The following STOX2 variants were observed in gnomAD, a reference collection of about 807,000 sequenced individuals.
The protein encoded by STOX2 is storkhead-box protein 2.
A neutral mutation model predicts 60.9 loss-of-function variants in STOX2; 28 were observed. The observed-to-expected ratio is 0.46, with a 90% confidence interval of 0.34 to 0.63. The LOEUF is 0.63. STOX2 is among the 30% of genes least tolerant of loss of function. The pLI is 0.01. For synonymous variants in STOX2, 472 were observed against 463.9 expected (o/e 1.02, Z -0.22); for missense variants, 1,024 against 1,187.7 (o/e 0.86, Z 2.03).
At chr4:183,844,163 A>G (rs1173432996) in intron 1 of STOX2, among the ~76,000 whole-genome samples, 1 of 152,196 alleles carries the variant, frequency 6.6e-6, no homozygotes. Context: ...GGGACACCCC[A>G]TTGCAAGTAG....
In STOX2 at chr4:184,023,497, T is replaced by A. The variant is rs1734668570; in HGVS notation, c.*6213T>A. 6.6e-6 allele frequency: 1 copy of A among 152,200 alleles called. No homozygotes were observed. The highest frequency in any genetic ancestry group is 2.4e-5 in the African/African-American group (1 of 41,452). The allele number at this position is 152,200 out of a possible 1,614,324, so 9.4% of individuals were successfully genotyped here. A position where few individuals can be genotyped will look rare whatever the true frequency, so the allele number is the denominator to read the frequency against. On this transcript the variant is annotated 3_prime_UTR_variant, in exon 4 of 4. Coordinates refer to ENST00000308497, the MANE Select transcript of STOX2 (RefSeq NM_020225.3). ...AATATCCATTTTGGATTGTGTTACTTTTTAAGATATTAAATAACATTTGGT... is the reference window on the plus strand; with the variant it reads ...AATATCCATTTTGGATTGTGTTACTATTTAAGATATTAAATAACATTTGGT...
At chr4:183,842,390 A>G (rs888790555) in intron 1 of STOX2, among the ~76,000 whole-genome samples, 2 of 152,148 alleles carry the variant, frequency 1.3e-5, no homozygotes, top group African/African-American at 4.8e-5. Context: ...TTTCCCTTTA[A>G]TTACCTCCTC....
Position 184,009,735 on chromosome 4 carries a change from C to A in STOX2, c.897C>A (p.Asp299Glu), listed in dbSNP as rs377137784. 27 of 1,613,536 alleles carry A rather than the reference C, an allele frequency of 1.7e-5. No individual in the cohort carries two copies. Among genetic ancestry groups the A allele is most frequent in the Non-Finnish European group, 2.3e-5 (27 of 1,179,798 alleles). ...QFPPEEWPLRDEDTPATIPRE... is the reference protein window; with the variant it reads ...QFPPEEWPLREEDTPATIPRE... Reference sequence around the variant, plus strand: ...CTCCTGAAGAGTGGCCCCTGCGAGACGAGGACACGCCAGCTACGATCCCTC... The same window carrying A: ...CTCCTGAAGAGTGGCCCCTGCGAGAAGAGGACACGCCAGCTACGATCCCTC... Residue 299 changes from aspartate to glutamate, a missense_variant, in exon 3 of 4, where the codon GAC (aspartate) becomes GAA (glutamate). Asp to Glu is a conservative substitution (Grantham distance 45). Transcript: ENST00000308497. This position sits in a 1 kb window ranked among gnomAD's most constrained non-coding sequence, Gnocchi z 4.0.
At position 184,009,316 on chromosome 4, in the gene STOX2, T is replaced by G; in HGVS notation, c.478T>G (p.Leu160Val). 1 of 1,613,928 alleles carries G rather than the reference T, an allele frequency of 6.2e-7. No homozygotes were observed. The highest frequency in any genetic ancestry group is 1.1e-5 in the South Asian group (1 of 91,078). ...AAGAACTAACAGTAAATGGTACCATTTGGACGAGAGGATACCTGACCGGTC... is the reference window on the plus strand; with the variant it reads ...AAGAACTAACAGTAAATGGTACCATGTGGACGAGAGGATACCTGACCGGTC... ...LIRTNSKWYH[L>V]DERIPDRSQC... The change falls in exon 3 of 4, where the codon TTG becomes GTG. Residue 160 changes from leucine (L) to valine (V), a missense_variant. By Grantham distance (32) the Leu-to-Val change is conservative. Transcript: ENST00000308497. This position sits in a 1 kb window ranked among gnomAD's most constrained non-coding sequence, Gnocchi z 4.0.
intron 1 of STOX2, among the ~76,000 whole-genome samples, chr4:183,868,548 C>G (rs1271550387): frequency 6.6e-6 from 1 of 152,238 alleles, no homozygotes; most frequent in Admixed American, 6.5e-5. Context: ...AGACGAATGT[C>G]CCGACTTGAG....
chr4:183,950,822 G>A (rs1340244698), intron 1 of STOX2, among the ~76,000 whole-genome samples: 2 of 152,186 alleles, frequency 1.3e-5, no homozygotes, highest in Non-Finnish European at 2.9e-5. Context: ...AGGCTGGTAG[G>A]AGGGAGCAGC....
chr4:183,996,920 TTAA>T (rs746259447), intron 1 of STOX2, among the ~76,000 whole-genome samples: 1 of 152,202 alleles, frequency 6.6e-6, no homozygotes, highest in Non-Finnish European at 1.5e-5. Context: ...AGCAAAAATA[TTAA>T]TAAAATTACA....
chr4:183,839,687 C>T (rs1021296548), intron 1 of STOX2, among the ~76,000 whole-genome samples: 1 of 152,134 alleles, frequency 6.6e-6, no homozygotes, highest in Non-Finnish European at 1.5e-5. Context: ...CTTGACTTTG[C>T]ATTTCATGTT....
At position 184,020,172 on chromosome 4, in the gene STOX2, T is replaced by A. The variant is rs533701557; in HGVS notation, c.*2888T>A. 1.4e-4 allele frequency: 22 copies of A among 152,320 alleles called. No homozygotes were observed. The highest frequency in any genetic ancestry group is 5.3e-4 in the African/African-American group (22 of 41,574). The allele number at this position is 152,320 out of a possible 1,614,324, so 9.4% of individuals were successfully genotyped here. On this transcript the variant is annotated 3_prime_UTR_variant, in exon 4 of 4. Coordinates refer to ENST00000308497, the MANE Select transcript of STOX2 (RefSeq NM_020225.3). ...CGTTCAGAAGAGCAAAGTTGAACAC[T>A]TCCTTCAACATTAGGGCATGGCGTG...
intron 3 of STOX2, among the ~76,000 whole-genome samples, chr4:184,013,028 C>A (rs769596727): frequency 1.7e-4 from 26 of 152,226 alleles, no homozygotes; most frequent in Non-Finnish European, 3.7e-4. Flanking sequence ...TTGCCTGTGT[C>A]TTTCTGTTCT....
intron 1 of STOX2, among the ~76,000 whole-genome samples, chr4:183,807,193 C>T (rs931025796): frequency 7.2e-5 from 11 of 152,130 alleles, no homozygotes; most frequent in African/African-American, 2.2e-4. Flanking sequence ...ATGATGGTCT[C>T]GATCTCCTGA....
In STOX2 at chr4:183,846,184, G is replaced by GTA. The variant is rs570160240; in HGVS notation, c.364+48132_364+48133dup. On this transcript the variant is annotated intron_variant, in intron 1 of 2. Transcript: ENST00000513034. ...AGAAATTAACTGTTAATCTTACTGT[G>GTA]TATACCTTGTGACAAGGCTGTTTTC... 4.1e-4 allele frequency among the ~76,000 whole-genome samples: 63 copies of GTA among 152,302 alleles called. No homozygotes were observed. The South Asian group carries it at 0.011, about 28-fold the overall frequency.
chr4:183,875,721 G>A (rs1446918171), intron 1 of STOX2, among the ~76,000 whole-genome samples: 1 of 152,038 alleles, frequency 6.6e-6, no homozygotes, highest in Non-Finnish European at 1.5e-5. Flanking sequence ...AGTCTCACAT[G>A]AGTACTTTTA....
chr4:183,915,976 G>T (rs923362409), intron 1 of STOX2, among the ~76,000 whole-genome samples: 1 of 152,256 alleles, frequency 6.6e-6, no homozygotes, highest in Non-Finnish European at 1.5e-5. Context: ...GGCAGCGCCC[G>T]CATTCTCTGT....
chr4:183,887,393 A>G (rs1469809), intron 1 of STOX2, among the ~76,000 whole-genome samples: 118,831 of 152,164 alleles, frequency 0.78, 47,081 homozygotes, highest in Middle Eastern at 0.88. Flanking sequence ...TGGAGAGATT[A>G]TAGTATTTGG....
intron 1 of STOX2, among the ~76,000 whole-genome samples, chr4:183,999,633 C>A (rs1733499999): frequency 6.6e-6 from 1 of 152,196 alleles, no homozygotes; most frequent in Non-Finnish European, 1.5e-5. Context: ...GAGCCTTGGG[C>A]ACTGGAGTCC....
chr4:183,891,522 T>A (rs960611742), intron 1 of STOX2, among the ~76,000 whole-genome samples: 1 of 151,302 alleles, frequency 6.6e-6, no homozygotes, highest in African/African-American at 2.4e-5. Flanking sequence ...AAACCAAATG[T>A]TGTATGTTCT....
chr4:183,878,832 T>C (rs7688995), intron 1 of STOX2, among the ~76,000 whole-genome samples: 126,830 of 152,146 alleles, frequency 0.83, 53,767 homozygotes, highest in East Asian at 0.94. Flanking sequence ...GGATGGCCCG[T>C]AAGGGGTGAG....
At chr4:183,954,919 A>G (rs556330729) in intron 1 of STOX2, among the ~76,000 whole-genome samples, 151 of 151,838 alleles carry the variant, frequency 9.9e-4, no homozygotes, top group African/African-American at 3.4e-3. Context: ...TTGTATTTTT[A>G]GTAGAGACGG....
Sources: allele counts gnomAD v4.1 joint callset (sites outside exome capture counted in the v4.1 genomes callset), GRCh38; gene constraint gnomAD v4.1.1; non-coding constraint Gnocchi (gnomAD v3.1); transcripts MANE v1.5; gene names NCBI Gene and HGNC (gene_info 2026-07-23, HGNC 2026-07-21).